The following ADH1B variants were observed in gnomAD, a reference collection of about 807,000 sequenced individuals.
The protein encoded by ADH1B is alcohol dehydrogenase 1B (class I), beta polypeptide.
ADH1B carries 29 observed loss-of-function variants against 34.6 expected under a neutral mutation model. The ratio of observed to expected loss-of-function variants is 0.84; its 90% CI spans 0.62 to 1.14. The LOEUF (loss-of-function observed/expected upper bound fraction) is 1.14, where lower values mean the gene tolerates loss of function less well. Among genes scored for constraint, ADH1B ranks in the 50% most tolerant of loss-of-function variants. ADH1B has a pLI of 0.00. For missense variants in ADH1B, 424 were observed against 468.4 expected (o/e 0.91, Z 0.87); for synonymous variants, 170 against 175.5 (o/e 0.97, Z 0.25).
rs1390873440 is a variant in ADH1B, at chr4:99,313,824, G to A, written c.825C>T (p.Thr275=). Residue 275 remains threonine, a synonymous_variant, in exon 6 of 9, where the codon ACC becomes ACT. Coordinates refer to ENST00000305046, the MANE Select transcript of ADH1B (RefSeq NM_000668.6). ...FSFEVIGRLD[T]MMASLLCCHE... The stretch of plus-strand genomic sequence containing the variant: ...CAGGGCATGTCATGGTACATACCAT[G>A]GTGTCAAGCCGACCGATGACTTCAA... 1 of 1,614,038 alleles carries A rather than the reference G, an allele frequency of 6.2e-7. No homozygotes were observed. The highest frequency in any genetic ancestry group is 8.5e-7 in the Non-Finnish European group (1 of 1,179,902).
intron 2 of ADH1B, chr4:99,318,403 CTGTGAAATAA>C: frequency 1.7e-6 from 1 of 602,278 alleles, no homozygotes; most frequent in Admixed American, 3.7e-5. Flanking sequence ...TTAGAATAAT[CTGTGAAATAA>C]TTGATTCTGA....
In ADH1B at chr4:99,305,608, T is replaced by TATATAC. The variant is rs1733594107; in HGVS notation, c.*2231_*2232insGTATAT. The stretch of plus-strand genomic sequence containing the variant: ...ATATATATATATATATATATATATA[T>TATATAC]ACAATCACTTAACTATATGAACCAC... On this transcript the variant is annotated 3_prime_UTR_variant, in exon 9 of 9. Coordinates refer to ENST00000305046, the MANE Select transcript of ADH1B (RefSeq NM_000668.6). 9.3e-6 allele frequency: 1 copy of TATATAC among 107,422 alleles called. No homozygotes were observed. Among genetic ancestry groups the TATATAC allele is most frequent in the Non-Finnish European group, 1.9e-5 (1 of 53,022 alleles). The allele number at this position is 107,422 out of a possible 1,614,324, so 6.7% of individuals were successfully genotyped here.
At chr4:99,313,662 C>G in intron 6 of ADH1B, 159 bp downstream of exon 6, 2 of 1,371,232 alleles carry the variant, frequency 1.5e-6, no homozygotes, top group Non-Finnish European at 2.0e-6. Context: ...GAGAAGATTT[C>G]TCATAACAAA....
At position 99,316,092 on chromosome 4, in the gene ADH1B, G is replaced by A; in HGVS notation, c.373C>T (p.Gln125Ter). ...CAGGTGAACCTCCTGGTGCCATCCT[G>A]CAGGGTCCCCCGAGGATTGCCTAGA... ...NDLGNPRGTL[Q>*]DGTRRFTCRG... Residue 125 changes from glutamine (Q) to a stop codon, truncating the protein, a stop_gained, in exon 5 of 9, where the codon CAG (glutamine) becomes TAG (stop). Coordinates refer to ENST00000305046, the MANE Select transcript of ADH1B (RefSeq NM_000668.6). LOFTEE classifies it high-confidence loss of function. 1 of 1,614,172 alleles carries A rather than the reference G, an allele frequency of 6.2e-7. No individual in the cohort carries two copies. The highest frequency in any genetic ancestry group is 8.5e-7 in the Non-Finnish European group (1 of 1,180,028).
rs527945727 is a variant in ADH1B at position 99,311,073 on chromosome 4, T to TA, written c.965-171dup. Among the ~76,000 whole-genome samples the TA allele has an allele frequency of 1.5e-3, 231 of 152,206 alleles. 1 individual carries two copies. The highest frequency in any genetic ancestry group is 4.5e-3 in the African/African-American group (186 of 41,522). On this transcript the variant is annotated intron_variant, in intron 7 of 8. Coordinates refer to ENST00000305046, the MANE Select transcript of ADH1B (RefSeq NM_000668.6). ...AATATGCTTTTACAGTGTCTTGACTTAAAAAAAATCACAGATAAACGAAGG... is the reference window on the plus strand; with the variant it reads ...AATATGCTTTTACAGTGTCTTGACTTAAAAAAAAATCACAGATAAACGAAGG...
At chr4:99,310,311 C>T (rs1224260269) in intron 8 of ADH1B, 2 of 435,254 alleles carry the variant, frequency 4.6e-6, no homozygotes, top group African/African-American at 4.1e-5. Context: ...AAAACAATCC[C>T]AATGTAGTTC....
At position 99,306,533 on chromosome 4, in the gene ADH1B, G is replaced by C. The variant is rs969747636; in HGVS notation, c.*1307C>G. On this transcript the variant is annotated 3_prime_UTR_variant, in exon 9 of 9. Coordinates refer to ENST00000305046, the MANE Select transcript of ADH1B (RefSeq NM_000668.6). ...ATAAACTATTTTACTTTATGTCTAAGGTCTTTCATAATATGAAATAGAATG... is the reference window on the plus strand; with the variant it reads ...ATAAACTATTTTACTTTATGTCTAACGTCTTTCATAATATGAAATAGAATG... 1.3e-5 allele frequency: 2 copies of C among 152,120 alleles called. No homozygotes were observed. The highest frequency in any genetic ancestry group is 2.4e-5 in the African/African-American group (1 of 41,432). The allele number at this position is 152,120 out of a possible 1,614,324, so 9.4% of individuals were successfully genotyped here.
rs1491392964 is a variant in ADH1B at position 99,305,559 on chromosome 4, G to GTATATA, written c.*2280_*2281insTATATA. On this transcript the variant is annotated 3_prime_UTR_variant, in exon 9 of 9. Coordinates refer to ENST00000305046, the MANE Select transcript of ADH1B (RefSeq NM_000668.6). ...AACTATATGAACCACTTGCCCCATA[G>GTATATA]TGTATATATATATATATATATATAT... 19 of 43,102 alleles carry GTATATA rather than the reference G, an allele frequency of 4.4e-4. 4 individuals are homozygous for GTATATA. Among genetic ancestry groups the GTATATA allele is most frequent in the Non-Finnish European group, 7.2e-4 (18 of 25,020 alleles). 2.7% of individuals were successfully genotyped at this position (43,102 alleles called of 1,614,324 possible).
At position 99,313,084 on chromosome 4, in the gene ADH1B, T is replaced by C. The variant is rs184218288; in HGVS notation, c.828+737A>G. On this transcript the variant is annotated intron_variant, in intron 6 of 8. Coordinates refer to ENST00000305046, the MANE Select transcript of ADH1B (RefSeq NM_000668.6). ...CTATGTCACCCAGGCTGGAGTGCAA[T>C]GGCGCGATCTTGGCTCACTGCAACC... is the stretch of plus-strand genomic sequence containing the variant. Among the ~76,000 whole-genome samples the C allele has an allele frequency of 7.9e-5, 12 of 151,620 alleles. No homozygotes were observed. In the East Asian group the frequency reaches 2.1e-3, roughly 27 times the overall value.
chr4:99,316,034 G>T lies in ADH1B; in HGVS notation c.431C>A (p.Thr144Asn). The T allele has an allele frequency of 6.2e-7, 1 of 1,614,210 alleles. No homozygotes were observed. Among genetic ancestry groups the T allele is most frequent in the Non-Finnish European group, 8.5e-7 (1 of 1,180,028 alleles). The change falls in exon 5 of 9, where the codon ACC (threonine) becomes AAC (asparagine). Residue 144 changes from threonine to asparagine, a missense_variant. This residue lies in a region of ADH1B where 291 missense variants were observed against 300.4 expected (regional missense o/e 0.97). Transcript: ENST00000305046. ...CACCGTGTACTGGGAGAAGGTGCTGGTGCCAAGGAAGTGGTGAATGGGCTT... is the reference window on the plus strand; with the variant it reads ...CACCGTGTACTGGGAGAAGGTGCTGTTGCCAAGGAAGTGGTGAATGGGCTT... ...RGKPIHHFLGTSTFSQYTVVD... is the reference protein window; with the variant it reads ...RGKPIHHFLGNSTFSQYTVVD...
At chr4:99,317,831 C>T (rs1056182504) in intron 3 of ADH1B, 4 of 663,038 alleles carry the variant, frequency 6.0e-6, no homozygotes, top group Admixed American at 7.0e-5. Flanking sequence ...AGTAGATACT[C>T]GGTACATAAT....
chr4:99,311,721 A>G (rs1229985), intron 6 of ADH1B, 65 bp from the exon 7 acceptor site: 58,816 of 1,579,648 alleles, frequency 0.037, 1,330 homozygotes, highest in Admixed American at 0.07. Flanking sequence ...CATAATGCAC[A>G]ATATCATGTA....
chr4:99,309,343 A>G (rs892879640), intron 8 of ADH1B, among the ~76,000 whole-genome samples: 1 of 152,198 alleles, frequency 6.6e-6, no homozygotes, highest in Non-Finnish European at 1.5e-5. Flanking sequence ...TACTGAAAGT[A>G]CATGAAAGTG....
rs548284382 is a variant in ADH1B, at chr4:99,318,080, C to T, written c.225G>A (p.Glu75=). ...CTGTAGTCACCCCTTCTCCAACACTCTCCACGATGCCGGCTGCCTCATGGC... is the reference window on the plus strand; with the variant it reads ...CTGTAGTCACCCCTTCTCCAACACTTTCCACGATGCCGGCTGCCTCATGGC... The part of the protein sequence containing the change: ...ILGHEAAGIV[E]SVGEGVTTVK... Residue 75 remains glutamate (E), a synonymous_variant, in exon 3 of 9, where the codon GAG becomes GAA. Transcript: ENST00000305046. 6.2e-7 allele frequency: 1 copy of T among 1,614,130 alleles called. No individual in the cohort carries two copies. Among genetic ancestry groups the T allele is most frequent in the Non-Finnish European group, 8.5e-7 (1 of 1,180,006 alleles).
In ADH1B at chr4:99,305,523, T is replaced by G. The variant is rs1389808014; in HGVS notation, c.*2317A>C. ...ATACATATATATATATATATATATATACAATCACTTAACTATATGAACCAC... is the reference window on the plus strand; with the variant it reads ...ATACATATATATATATATATATATAGACAATCACTTAACTATATGAACCAC... On this transcript the variant is annotated 3_prime_UTR_variant, in exon 9 of 9. Transcript: ENST00000305046. 1.9e-5 allele frequency: 2 copies of G among 102,866 alleles called. No homozygotes were observed. The highest frequency in any genetic ancestry group is 4.2e-4 in the East Asian group (2 of 4,808). 6.4% of individuals were successfully genotyped at this position (102,866 alleles called of 1,614,324 possible).
In ADH1B at chr4:99,310,727, G is replaced by GA. The variant is rs57713799; in HGVS notation, c.1103+37dup. On this transcript the variant is annotated intron_variant, in intron 8 of 8. Transcript: ENST00000305046. The stretch of plus-strand genomic sequence containing the variant: ...CTCTGCTAGACAATCCCCTATGGTA[G>GA]AAAAAAAAGCAAAACAGAAAACTAA... 1.2e-3 allele frequency: 1,942 copies of GA among 1,591,414 alleles called. 24 individuals carry two copies. The African/African-American group carries it at 0.022, about 18-fold the overall frequency.
At chr4:99,311,074 A>T (rs1733743932) in intron 7 of ADH1B, among the ~76,000 whole-genome samples, 171 bp from the exon 8 acceptor site, 1 of 151,624 alleles carries the variant, frequency 6.6e-6, no homozygotes, top group Admixed American at 6.6e-5. Flanking sequence ...GTCTTGACTT[A>T]AAAAAAATCA....
chr4:99,318,300 T>A, intron 2 of ADH1B, 116 bp from the exon 3 acceptor site: 1 of 1,300,624 alleles, frequency 7.7e-7, no homozygotes. Flanking sequence ...TTGCTACTAA[T>A]CCCTACTATT....
chr4:99,308,035 GTTTTC>G (rs958405360), intron 8 of ADH1B, among the ~76,000 whole-genome samples, 171 bp from the exon 9 acceptor site: 4 of 151,970 alleles, frequency 2.6e-5, no homozygotes, highest in East Asian at 1.9e-4. Flanking sequence ...ATCTTTTTTG[GTTTTC>G]TTTTCTTTTC....
Sources: allele counts gnomAD v4.1 joint callset (sites outside exome capture counted in the v4.1 genomes callset), GRCh38; gene constraint gnomAD v4.1.1; regional missense constraint gnomAD v4.1.1; transcripts MANE v1.5; gene names NCBI Gene and HGNC (gene_info 2026-07-23, HGNC 2026-07-21).